Variants in PSMC3IP observed in about 807,000 individuals in gnomAD.
PSMC3IP encodes homologous-pairing protein 2 homolog.
A neutral mutation model predicts 34.9 loss-of-function variants in PSMC3IP; 26 were observed. The ratio of observed to expected loss-of-function variants is 0.74; its 90% CI spans 0.55 to 1.03. The LOEUF (loss-of-function observed/expected upper bound fraction) is 1.03. Ranked by LOEUF, PSMC3IP falls within the 50% of genes least tolerant of loss-of-function variation. The pLI is 0.00. For missense variants in PSMC3IP, 250 were observed against 263.1 expected, an observed-to-expected ratio of 0.95 and a Z score of 0.34; for synonymous variants, 87 against 96.5, an observed-to-expected ratio of 0.90 and a Z score of 0.57.
rs756253555 is a variant in PSMC3IP, at chr17:42,577,204, T to G, written c.225+9A>C. ...CTCATGGGTGACAATCGGCGCAAGT[T>G]CTCCTCACCTGATCCGCAAAATAGA... On this transcript the variant is annotated intron_variant, in intron 3 of 7. Transcript: ENST00000393795. The G allele has an allele frequency of 6.2e-7, 1 of 1,613,758 alleles. No individual in the cohort carries two copies. The highest frequency in any genetic ancestry group is 1.3e-5 in the African/African-American group (1 of 74,816).
chr17:42,573,147 G>A lies in PSMC3IP; in HGVS notation c.557C>T (p.Ala186Val). The A allele has an allele frequency of 1.2e-6, 2 of 1,614,226 alleles. No homozygotes were observed. The highest frequency in any genetic ancestry group is 1.7e-6 in the Non-Finnish European group (2 of 1,180,040). Residue 186 changes from alanine to valine, a missense_variant, in exon 7 of 8, where the codon GCA becomes GTA. By Grantham distance (64) the Ala-to-Val change is moderately conservative (BLOSUM62 0). Coordinates refer to ENST00000393795, the MANE Select transcript of PSMC3IP (RefSeq NM_016556.4). Reference sequence around the variant, plus strand: ...GCTCTTGGGGTATCCTTCAAGTATTGCATCAGACAGCTCTGTAGCCTGACA... The same window carrying A: ...GCTCTTGGGGTATCCTTCAAGTATTACATCAGACAGCTCTGTAGCCTGACA... The part of the protein sequence containing the change: ...RKRMATELSD[A>V]ILEGYPKSKK...
At chr17:42,573,441 TG>T in intron 5 of PSMC3IP, 36 bp downstream of exon 5, 1 of 1,614,282 alleles carries the variant, frequency 6.2e-7, no homozygotes. Flanking sequence ...ATGTTCACTC[TG>T]GACCTGCACA....
intron 3 of PSMC3IP, chr17:42,576,614 C>G (rs1385209569): frequency 1.8e-5 from 3 of 168,160 alleles, no homozygotes; most frequent in Non-Finnish European, 3.9e-5. Context: ...ACCTGGGCAG[C>G]ACAGTAAGAC....
At chr17:42,577,436 G>A (rs1286018879) in intron 2 of PSMC3IP, 25 bp downstream of exon 2, 1 of 1,612,512 alleles carries the variant, frequency 6.2e-7, no homozygotes, top group African/African-American at 1.3e-5. Flanking sequence ...CCGACGGAGA[G>A]GGAATCCCGG....
In PSMC3IP at chr17:42,573,098, T is replaced by G; in HGVS notation, c.597+9A>C. ...CAGGGAAGCAAAGAAGGAAGAGAGC[T>G]CCACTTACAAAGAACTGCTTCTTGC... On this transcript the variant is annotated intron_variant, in intron 7 of 7. Transcript: ENST00000393795. The G allele has an allele frequency of 6.2e-7, 1 of 1,614,164 alleles. No individual in the cohort carries two copies. The highest frequency in any genetic ancestry group is 8.5e-7 in the Non-Finnish European group (1 of 1,180,012).
Position 42,573,447 on chromosome 17 carries a change from T to G in PSMC3IP, c.483+31A>C, listed in dbSNP as rs2093050642. The G allele has an allele frequency of 3.1e-6, 5 of 1,614,084 alleles. No individual in the cohort carries two copies. In the Admixed American group the frequency reaches 6.7e-5, roughly 22 times the overall value. The stretch of plus-strand genomic sequence containing the variant: ...TCAGCCCTGATGTTCACTCTGGACC[T>G]GCACAGCGGTCCTACAGCCTTCCAG... On this transcript the variant is annotated intron_variant, in intron 5 of 7. Transcript: ENST00000393795.
upstream of PSMC3IP, chr17:42,577,799 T>G: frequency 7.5e-7 from 1 of 1,327,614 alleles, no homozygotes; most frequent in Non-Finnish European, 1.1e-6. Flanking sequence ...GGGGAAGCCT[T>G]CCGGAGGAGC....
chr17:42,572,861 AAGT>A lies in PSMC3IP; in HGVS notation c.*104_*106del, dbSNP rs765021137. 2.3e-6 allele frequency: 3 copies of A among 1,319,300 alleles called. No homozygotes were observed. The African/African-American group carries it at 4.3e-5, about 19-fold the overall frequency. 81.7% of individuals were successfully genotyped at this position (1,319,300 alleles called of 1,614,324 possible). ...TCCTGACTGCTCTGCTTAAAGGTGA[AAGT>A]AGCAGGAACAACAACAAAAGCCAAC... On this transcript the variant is annotated 3_prime_UTR_variant, in exon 8 of 8. Coordinates refer to ENST00000393795, the MANE Select transcript of PSMC3IP (RefSeq NM_016556.4).
rs138365744 is a variant in PSMC3IP, at chr17:42,572,544, C to T, written c.*424G>A. 4.7e-4 allele frequency: 212 copies of T among 453,734 alleles called. 2 individuals carry two copies. The highest frequency in any genetic ancestry group is 2.7e-3 in the African/African-American group (135 of 50,048). The allele number at this position is 453,734 out of a possible 1,614,324, so 28.1% of individuals were successfully genotyped here. On this transcript the variant is annotated 3_prime_UTR_variant, in exon 8 of 8. Transcript: ENST00000393795. ...AAGCCCAGCAGGTCCTGAGTGAAGC[C>T]GTGGGCCCTCCAAATGCTCGTTTTA... is the stretch of plus-strand genomic sequence containing the variant.
chr17:42,577,431 G>A, intron 2 of PSMC3IP, 30 bp downstream of exon 2: 3 of 1,611,816 alleles, frequency 1.9e-6, no homozygotes, highest in Non-Finnish European at 2.5e-6. Flanking sequence ...GGAGTCCGAC[G>A]GAGAGGGAAT....
rs777373219 is a variant in PSMC3IP at position 42,577,197 on chromosome 17, C to T, written c.225+16G>A. 6.2e-7 allele frequency: 1 copy of T among 1,613,956 alleles called. No homozygotes were observed. The highest frequency in any genetic ancestry group is 8.5e-7 in the Non-Finnish European group (1 of 1,179,978). On this transcript the variant is annotated intron_variant, in intron 3 of 7. Transcript: ENST00000393795. ...TCGGGCTCTCATGGGTGACAATCGG[C>T]GCAAGTTCTCCTCACCTGATCCGCA...
upstream of PSMC3IP, chr17:42,577,764 G>C: frequency 6.4e-7 from 1 of 1,572,012 alleles, no homozygotes; most frequent in East Asian, 2.2e-5. Context: ...CGACGGGGGC[G>C]GGCCTCGAAC....
chr17:42,577,207 CCT>C lies in PSMC3IP; in HGVS notation c.225+4_225+5del. 6.2e-7 allele frequency: 1 copy of C among 1,614,048 alleles called. No homozygotes were observed. The highest frequency in any genetic ancestry group is 8.5e-7 in the Non-Finnish European group (1 of 1,180,024). On this transcript the variant is annotated splice_donor_5th_base_variant and intron_variant, in intron 3 of 7. Transcript: ENST00000393795. Reference sequence around the variant, plus strand: ...ATGGGTGACAATCGGCGCAAGTTCTCCTCACCTGATCCGCAAAATAGATCTTC... The same window carrying C: ...ATGGGTGACAATCGGCGCAAGTTCTCCACCTGATCCGCAAAATAGATCTTC...
In PSMC3IP at chr17:42,572,647, C is replaced by CTGG. The variant is rs1410769861; in HGVS notation, c.*320_*321insCCA. 1 of 411,984 alleles carries CTGG rather than the reference C, an allele frequency of 2.4e-6. No homozygotes were observed. Among genetic ancestry groups the CTGG allele is most frequent in the African/African-American group, 2.1e-5 (1 of 48,714 alleles). The allele number at this position is 411,984 out of a possible 1,614,324, so 25.5% of individuals were successfully genotyped here. On this transcript the variant is annotated 3_prime_UTR_variant, in exon 8 of 8. Coordinates refer to ENST00000393795, the MANE Select transcript of PSMC3IP (RefSeq NM_016556.4). ...TTTGATATCTGGCAGGTTTGACTAT[C>CTGG]CAGAGGAAATTAAATATTTTTATAT...
intron 1 of PSMC3IP, 23 bp downstream of exon 1, chr17:42,577,630 C>T (rs760611782): frequency 6.2e-7 from 1 of 1,614,176 alleles, no homozygotes. Context: ...CCCGGGTCTT[C>T]CCCGCGCCCA....
chr17:42,577,129 C>T (rs1377560790), intron 3 of PSMC3IP, 84 bp downstream of exon 3: 3 of 1,600,002 alleles, frequency 1.9e-6, no homozygotes, highest in African/African-American at 2.7e-5. Flanking sequence ...CATGGGGGGC[C>T]TTGTCCCCAA....
intron 3 of PSMC3IP, 81 bp downstream of exon 3, chr17:42,577,132 G>A: frequency 6.2e-7 from 1 of 1,603,366 alleles, no homozygotes; most frequent in Non-Finnish European, 8.5e-7. Context: ...GGGGGGCCTT[G>A]TCCCCAAAGA....
rs1471413074 is a variant in PSMC3IP, at chr17:42,574,298, C to T, written c.226-88G>A. ...CCTGGGAAGGCACCATTTGGATATGCTCAGGAACCAGCCACACCCCAAAGT... is the reference window on the plus strand; with the variant it reads ...CCTGGGAAGGCACCATTTGGATATGTTCAGGAACCAGCCACACCCCAAAGT... On this transcript the variant is annotated intron_variant, in intron 3 of 7. Transcript: ENST00000393795. 1.9e-6 allele frequency: 3 copies of T among 1,550,530 alleles called. No individual in the cohort carries two copies. In the Admixed American group the frequency reaches 5.9e-5, roughly 30 times the overall value.
chr17:42,573,940 G>A (rs979755388), intron 4 of PSMC3IP, 159 bp downstream of exon 4: 25 of 1,534,440 alleles, frequency 1.6e-5, no homozygotes, highest in African/African-American at 1.5e-4. Flanking sequence ...CACAAAAGCC[G>A]TTAGTTATCC....
Sources: gnomAD v4.1 joint callset for allele counts on GRCh38, gnomAD v4.1.1 for gene constraint, MANE v1.5 for transcripts, NCBI Gene and HGNC (gene_info 2026-07-23, HGNC 2026-07-21) for gene names.